DMD: variants seen among roughly 807,000 people sequenced by gnomAD.
DMD encodes the protein mutant dystrophin.
In DMD, 63 loss-of-function variants were observed where a neutral mutation model predicts 330.1. The observed-to-expected ratio is 0.19, with a 90% CI of 0.16 to 0.24. DMD has a LOEUF of 0.24. DMD is among the 10% of genes least tolerant of loss of function. The pLI is 1.00. For missense variants in DMD, 3,344 were observed against 2,684.1 expected (o/e 1.25, Z -5.43); for synonymous variants, 1,223 against 959.8 (o/e 1.27, Z -5.07).
intron 11 of DMD, among the ~76,000 whole-genome samples, chrX:32,630,615 T>C (rs1186526832): frequency 8.1e-5 from 9 of 111,714 alleles, no homozygotes; most frequent in Admixed American, 2.9e-4. Flanking sequence ...GTTACTCGTC[T>C]CTGACGCATT....
At chrX:33,184,176 A>C (rs2050134736) in intron 1 of DMD, among the ~76,000 whole-genome samples, 1 of 112,215 alleles carries the variant, frequency 8.9e-6, no homozygotes, top group Middle Eastern at 4.6e-3. Context: ...TAGGTGTTGC[A>C]TGATTTCCAT....
At chrX:31,191,510 G>T (rs902409093) in intron 67 of DMD, among the ~76,000 whole-genome samples, 1 of 110,260 alleles carries the variant, frequency 9.1e-6, no homozygotes. Flanking sequence ...ACTTATGGGG[G>T]TTGGTCTTTC....
chrX:32,626,555 A>G (rs1426484623), intron 11 of DMD, among the ~76,000 whole-genome samples: 2 of 105,576 alleles, frequency 1.9e-5, no homozygotes, highest in African/African-American at 8.0e-5. Flanking sequence ...GTTTTAGCTT[A>G]ACAATTCTTT....
At chrX:32,513,914 G>A (rs896560797) in intron 18 of DMD, among the ~76,000 whole-genome samples, 2 of 111,574 alleles carry the variant, frequency 1.8e-5, no homozygotes, top group Non-Finnish European at 3.8e-5. Context: ...GGAGAAAGCA[G>A]TATCCCATAA....
chrX:31,202,107 A>T (rs943286622), intron 67 of DMD, among the ~76,000 whole-genome samples: 1 of 111,173 alleles, frequency 9.0e-6, no homozygotes, highest in South Asian at 3.8e-4. Context: ...AATTGCTTGA[A>T]CCAGGGAGGC....
intron 49 of DMD, among the ~76,000 whole-genome samples, chrX:31,823,057 A>G (rs2092809232): frequency 1.8e-5 from 2 of 111,761 alleles, no homozygotes; most frequent in Admixed American, 1.9e-4. Context: ...TTTAGATTGT[A>G]CGACCCAACC....
intron 50 of DMD, among the ~76,000 whole-genome samples, chrX:31,791,839 C>G (rs1206837307): frequency 8.9e-6 from 1 of 111,735 alleles, no homozygotes. Flanking sequence ...TTCAGTCTTA[C>G]ATATTTATTT....
At chrX:31,491,099 T>C (rs917039629) in intron 57 of DMD, among the ~76,000 whole-genome samples, 6 of 112,300 alleles carry the variant, frequency 5.3e-5, no homozygotes, top group African/African-American at 1.9e-4. Flanking sequence ...TAATGATCTC[T>C]AGGGAAGGGA....
intron 19 of DMD, among the ~76,000 whole-genome samples, chrX:32,495,469 T>G (rs1479945348): frequency 8.9e-6 from 1 of 111,865 alleles, no homozygotes; most frequent in African/African-American, 3.2e-5. Context: ...GGGCAGGGGA[T>G]GGAGAGGATG....
chrX:31,648,617 C>CAAAAAAAAAAAA (rs548846514), intron 54 of DMD, among the ~76,000 whole-genome samples: 5 of 18,993 alleles, frequency 2.6e-4, no homozygotes, highest in Non-Finnish European at 3.4e-4. Context: ...AAGGGAGCTG[C>CAAAAAAAAAAAA]AAAAAAAAAA....
intron 44 of DMD, among the ~76,000 whole-genome samples, chrX:32,148,590 C>T (rs2096789698): frequency 9.4e-6 from 1 of 106,796 alleles, no homozygotes; most frequent in African/African-American, 3.4e-5. Flanking sequence ...ACCAGAATAT[C>T]TCCCCTTTGA....
At chrX:32,595,720 A>G (rs2055442114) in intron 13 of DMD, 37 bp downstream of exon 13, 2 of 1,191,704 alleles carry the variant, frequency 1.7e-6, no homozygotes. Context: ...AGTTCTTTTA[A>G]AGGACATATT....
At chrX:31,176,520 T>C (rs752730157) in intron 71 of DMD, among the ~76,000 whole-genome samples, 25 of 111,808 alleles carry the variant, frequency 2.2e-4, no homozygotes, top group Non-Finnish European at 2.3e-4. Flanking sequence ...AACTGTTCTT[T>C]AGCATATTTG....
At chrX:32,803,182 T>C (rs1487776969) in intron 7 of DMD, among the ~76,000 whole-genome samples, 5 of 111,892 alleles carry the variant, frequency 4.5e-5, no homozygotes, top group African/African-American at 1.6e-4. Context: ...GACTTCTTCC[T>C]GGTTTAATCT....
In DMD at chrX:32,016,522, C is replaced by A. The variant is rs181752317; in HGVS notation, c.6439-48008G>T. Among the ~76,000 whole-genome samples the A allele has an allele frequency of 4.5e-5, 5 of 111,028 alleles. No homozygotes were observed. The East Asian group carries it at 1.4e-3, about 31-fold the overall frequency. On this transcript the variant is annotated intron_variant, in intron 44 of 78. Coordinates refer to ENST00000357033, the MANE Select transcript of DMD (RefSeq NM_004006.3). ...GGTATCTAGCACATCTTTTTCTCTC[C>A]AGCACTTCCTAGCAGTGCCTGGCAC... is the stretch of plus-strand genomic sequence containing the variant.
chrX:32,631,133 C>CA (rs1350370291), intron 11 of DMD, among the ~76,000 whole-genome samples: 1 of 111,666 alleles, frequency 9.0e-6, no homozygotes, highest in African/African-American at 3.3e-5. Context: ...CAGGAAAATC[C>CA]CCTGTATTAC....
chrX:32,065,860 CTT>C (rs1336293985), intron 44 of DMD, among the ~76,000 whole-genome samples: 1 of 111,717 alleles, frequency 9.0e-6, no homozygotes, highest in Non-Finnish European at 1.9e-5. Flanking sequence ...TTTGTTCACT[CTT>C]TAACTCATTC....
intron 34 of DMD, among the ~76,000 whole-genome samples, chrX:32,376,652 T>C (rs968476825): frequency 3.6e-5 from 4 of 110,974 alleles, no homozygotes; most frequent in Non-Finnish European, 7.5e-5. Flanking sequence ...TTATAGACAA[T>C]GCATCATCTG....
intron 9 of DMD, among the ~76,000 whole-genome samples, chrX:32,648,151 T>C (rs182411517): frequency 1.2e-3 from 131 of 112,109 alleles, no homozygotes; most frequent in African/African-American, 4.2e-3. Flanking sequence ...TGTATACTTA[T>C]ACTCAAGGAC....
Sources: gnomAD v4.1 joint callset for allele counts (sites outside exome capture counted in the v4.1 genomes callset) on GRCh38, gnomAD v4.1.1 for gene constraint, MANE v1.5 for transcripts, NCBI Gene and HGNC (gene_info 2026-07-23, HGNC 2026-07-21) for gene names.